CNTNAP2: variants seen among roughly 807,000 people sequenced by gnomAD.
CNTNAP2 encodes the protein contactin-associated protein-like 2.
CNTNAP2 carries 98 observed loss-of-function variants against 155.2 expected under a neutral mutation model. That is an observed-to-expected ratio of 0.63 (90% CI 0.54 to 0.75). The LOEUF (loss-of-function observed/expected upper bound fraction) is 0.75. CNTNAP2 is among the 30% of genes least tolerant of loss of function. The probability of loss-of-function intolerance (pLI) is 0.00; values close to 1 mark genes in which losing one functional copy is unlikely to be tolerated. For synonymous variants in CNTNAP2, 651 were observed against 631.2 expected (o/e 1.03, Z -0.47); for missense variants, 1,727 against 1,688.1 (o/e 1.02, Z -0.40).
intron 15 of CNTNAP2, among the ~76,000 whole-genome samples, chr7:148,020,681 A>T (rs1272542943): frequency 6.6e-6 from 1 of 152,232 alleles, no homozygotes; most frequent in Non-Finnish European, 1.5e-5. Flanking sequence ...CAATATATTT[A>T]TGATCTGCCT....
intron 13 of CNTNAP2, among the ~76,000 whole-genome samples, chr7:147,869,585 G>C (rs1446130058): frequency 6.8e-6 from 1 of 147,418 alleles, no homozygotes. Context: ...GTTAATTTCA[G>C]CTCACAAGAC....
intron 1 of CNTNAP2, among the ~76,000 whole-genome samples, chr7:146,410,325 T>G (rs1052433217): frequency 1.3e-5 from 2 of 152,180 alleles, no homozygotes; most frequent in Non-Finnish European, 2.9e-5. Context: ...AACTGAGTAG[T>G]TATGACAGAA....
At chr7:146,459,466 T>C (rs1271583251) in intron 1 of CNTNAP2, among the ~76,000 whole-genome samples, 1 of 152,212 alleles carries the variant, frequency 6.6e-6, no homozygotes, top group Non-Finnish European at 1.5e-5. Context: ...ACAAATTGCA[T>C]GTAGCTCAGG....
chr7:146,608,105 G>A (rs1055693050), intron 1 of CNTNAP2, among the ~76,000 whole-genome samples: 1 of 152,192 alleles, frequency 6.6e-6, no homozygotes, highest in Non-Finnish European at 1.5e-5. Flanking sequence ...ATCTTTTAAT[G>A]TTAAACTAAA....
At chr7:146,745,403 G>T (rs927284223) in intron 1 of CNTNAP2, among the ~76,000 whole-genome samples, 1 of 152,030 alleles carries the variant, frequency 6.6e-6, no homozygotes, top group African/African-American at 2.4e-5. Context: ...ACTTGCAGAG[G>T]ATCACAAAGT....
At chr7:147,727,203 A>C (rs929543560) in intron 13 of CNTNAP2, among the ~76,000 whole-genome samples, 7 of 151,948 alleles carry the variant, frequency 4.6e-5, no homozygotes, top group African/African-American at 1.7e-4. Context: ...TAGGAACTGG[A>C]CCTTTCATCT....
chr7:148,172,909 G>GT (rs1381845302), intron 18 of CNTNAP2, among the ~76,000 whole-genome samples: 1 of 152,132 alleles, frequency 6.6e-6, no homozygotes, highest in East Asian at 1.9e-4. Context: ...ACCCCCTGCA[G>GT]TTGCTAAGAG....
rs544221343 is a variant in CNTNAP2, at chr7:146,748,693, AT to A, written c.98-25573del. Among the ~76,000 whole-genome samples, 35 of 152,354 alleles carry A rather than the reference AT, an allele frequency of 2.3e-4. No homozygotes were observed. The South Asian group carries it at 6.8e-3, about 30-fold the overall frequency. ...AAAACATTTATAATATGATGGAAAC[AT>A]TTTTAATGAAGCTTTTCAACAAGGA... On this transcript the variant is annotated intron_variant, in intron 1 of 23. Transcript: ENST00000361727.
At position 146,936,735 on chromosome 7, in the gene CNTNAP2, G is replaced by C. The variant is rs181464878; in HGVS notation, c.402+96831G>C. The stretch of plus-strand genomic sequence containing the variant: ...ATACTTCAACCAGTCATAGACTGCT[G>C]AGTGTTTAAACTGTGTTCAAAGAGG... On this transcript the variant is annotated intron_variant, in intron 3 of 23. Transcript: ENST00000361727. Among the ~76,000 whole-genome samples, 115 of 152,282 alleles carry C rather than the reference G, an allele frequency of 7.6e-4. 1 individual carries two copies. Among genetic ancestry groups the C allele is most frequent in the Admixed American group, 2.7e-3 (41 of 15,300 alleles).
intron 9 of CNTNAP2, among the ~76,000 whole-genome samples, chr7:147,357,468 G>A (rs1463189898): frequency 6.6e-6 from 1 of 152,010 alleles, no homozygotes; most frequent in African/African-American, 2.4e-5. Context: ...CTAAGGTGAT[G>A]GAATCTGTTG....
intron 3 of CNTNAP2, among the ~76,000 whole-genome samples, chr7:146,875,012 ACCT>A (rs1795391569): frequency 6.6e-6 from 1 of 151,906 alleles, no homozygotes. Context: ...CTTTGGAAAG[ACCT>A]CCTTCTTTTG....
intron 15 of CNTNAP2, among the ~76,000 whole-genome samples, chr7:148,002,851 C>T (rs906990210): frequency 5.3e-5 from 8 of 151,998 alleles, no homozygotes; most frequent in African/African-American, 1.2e-4. Context: ...ATACTGTTAC[C>T]GGTACACTTG....
chr7:146,639,250 T>C (rs1227137539), intron 1 of CNTNAP2, among the ~76,000 whole-genome samples: 2 of 152,206 alleles, frequency 1.3e-5, no homozygotes. Context: ...CTATTTTTAC[T>C]TGTAAAAGTT....
chr7:148,026,427 G>C (rs1310046837), intron 15 of CNTNAP2, among the ~76,000 whole-genome samples: 1 of 151,972 alleles, frequency 6.6e-6, no homozygotes, highest in African/African-American at 2.4e-5. Flanking sequence ...TTTCAGCCTG[G>C]GTGACAGAAC....
At chr7:147,370,407 C>T (rs967153717) in intron 9 of CNTNAP2, among the ~76,000 whole-genome samples, 4 of 152,154 alleles carry the variant, frequency 2.6e-5, no homozygotes, top group South Asian at 2.1e-4. Context: ...TTGTCTATCA[C>T]TTGCAGTGGT....
At chr7:148,003,227 A>C (rs978031224) in intron 15 of CNTNAP2, among the ~76,000 whole-genome samples, 2 of 152,150 alleles carry the variant, frequency 1.3e-5, no homozygotes, top group Admixed American at 1.3e-4. Flanking sequence ...AGTCCTGCTA[A>C]CCATTTCTTA....
chr7:147,275,895 CT>C (rs1554461944), intron 8 of CNTNAP2, among the ~76,000 whole-genome samples: 1 of 151,630 alleles, frequency 6.6e-6, no homozygotes, highest in Non-Finnish European at 1.5e-5. Context: ...ATTTTGAGTG[CT>C]TTTTCTGCAC....
At chr7:148,059,293 GA>G (rs1315912795) in intron 15 of CNTNAP2, among the ~76,000 whole-genome samples, 4 of 151,330 alleles carry the variant, frequency 2.6e-5, no homozygotes, top group Middle Eastern at 3.2e-3. Flanking sequence ...ATCTCAAAAA[GA>G]AAACAAAAAC....
intron 3 of CNTNAP2, among the ~76,000 whole-genome samples, chr7:146,913,311 T>A (rs1000725396): frequency 1.3e-5 from 2 of 152,146 alleles, no homozygotes; most frequent in Admixed American, 1.3e-4. Flanking sequence ...GCCTTCTTCA[T>A]TCAGAGAAGG....
Sources: allele counts gnomAD v4.1 joint callset (sites outside exome capture counted in the v4.1 genomes callset), GRCh38; gene constraint gnomAD v4.1.1; transcripts MANE v1.5; gene names NCBI Gene and HGNC (gene_info 2026-07-23, HGNC 2026-07-21).